Variants in KIAA1671 observed in about 807,000 individuals in gnomAD.
The protein encoded by KIAA1671 is KIAA1671.
Under a neutral mutation model 131.2 loss-of-function variants are expected in KIAA1671, and 52 were observed. The ratio of observed to expected loss-of-function variants is 0.40; its 90% CI spans 0.32 to 0.50. KIAA1671 has a LOEUF of 0.50. KIAA1671 is among the 20% of genes least tolerant of loss of function. The pLI is 0.73. For synonymous variants in KIAA1671, 1,003 were observed against 961.6 expected (o/e 1.04, Z -0.80); for missense variants, 2,360 against 2,364.2 (o/e 1.00, Z 0.04).
intron 6 of KIAA1671, chr22:25,061,766 C>T (rs1928172935): frequency 6.6e-6 from 1 of 152,290 alleles, no homozygotes; most frequent in East Asian, 1.9e-4. Flanking sequence ...GCTTCGCTCC[C>T]AGCTCCTGGT....
chr22:25,041,533 C>A lies in KIAA1671; in HGVS notation c.4395+8C>A. On this transcript the variant is annotated splice_region_variant and intron_variant, in intron 5 of 12. Transcript: ENST00000358431. ...ACTGGAGACAGTCACAAGGTAAGTACCGAGACACTTTTTAATTTTGTCAAA... is the reference window on the plus strand; with the variant it reads ...ACTGGAGACAGTCACAAGGTAAGTAACGAGACACTTTTTAATTTTGTCAAA... 1 of 1,509,870 alleles carries A rather than the reference C, an allele frequency of 6.6e-7. No homozygotes were observed. The highest frequency in any genetic ancestry group is 8.9e-7 in the Non-Finnish European group (1 of 1,129,328). 93.5% of individuals were successfully genotyped at this position (1,509,870 alleles called of 1,614,324 possible).
intron 7 of KIAA1671, 115 bp from the exon 8 acceptor site, chr22:25,174,125 A>T: frequency 8.8e-7 from 1 of 1,141,788 alleles, no homozygotes; most frequent in Non-Finnish European, 1.2e-6. Context: ...GTCTGTTGTT[A>T]CTTGGCTTAT....
intron 1 of KIAA1671, among the ~76,000 whole-genome samples, chr22:24,979,433 T>C (rs1923110816): frequency 6.6e-6 from 1 of 151,016 alleles, no homozygotes; most frequent in Non-Finnish European, 1.5e-5. Flanking sequence ...CACTGCAAGC[T>C]CCACCTCCCA....
intron 1 of KIAA1671, among the ~76,000 whole-genome samples, chr22:25,019,875 T>C (rs1383245968): frequency 6.6e-6 from 1 of 152,156 alleles, no homozygotes; most frequent in Non-Finnish European, 1.5e-5. Flanking sequence ...GGCTGGGAAT[T>C]GGAGGTCTGC....
intron 6 of KIAA1671, among the ~76,000 whole-genome samples, chr22:25,077,950 T>C (rs546937849): frequency 2.4e-4 from 37 of 152,344 alleles, no homozygotes; most frequent in African/African-American, 8.4e-4. Flanking sequence ...TGACGCTAAG[T>C]GCCTCAGTGT....
intron 1 of KIAA1671, among the ~76,000 whole-genome samples, chr22:24,981,876 C>T (rs928292766): frequency 2.0e-5 from 3 of 152,186 alleles, no homozygotes; most frequent in African/African-American, 7.2e-5. Flanking sequence ...CACTGCACTC[C>T]AGCGTGGGTG....
intron 1 of KIAA1671, among the ~76,000 whole-genome samples, chr22:24,996,482 C>T (rs766589866): frequency 1.3e-5 from 2 of 151,924 alleles, no homozygotes; most frequent in African/African-American, 2.4e-5. Flanking sequence ...GGAGTGCGGG[C>T]GAGTACTTGA....
At chr22:24,981,043 G>C (rs112084206) in intron 1 of KIAA1671, among the ~76,000 whole-genome samples, 4,808 of 150,536 alleles carry the variant, frequency 0.032, 273 homozygotes, top group African/African-American at 0.11. Flanking sequence ...CACCATGCCC[G>C]GCCAACACTT....
chr22:25,196,620 T>C lies in KIAA1671; in HGVS notation c.*4219T>C, dbSNP rs1405560890. The C allele has an allele frequency of 6.6e-6, 1 of 151,988 alleles. No homozygotes were observed. The highest frequency in any genetic ancestry group is 2.4e-5 in the African/African-American group (1 of 41,376). The allele number at this position is 151,988 out of a possible 1,614,324, so 9.4% of individuals were successfully genotyped here. Reference sequence around the variant, plus strand: ...CAGCTGATCTTTTAAATCTGTTTTGTAGAAACAGGATCTCACTATATTGCC... The same window carrying C: ...CAGCTGATCTTTTAAATCTGTTTTGCAGAAACAGGATCTCACTATATTGCC... On this transcript the variant is annotated 3_prime_UTR_variant, in exon 13 of 13. Coordinates refer to ENST00000358431, the MANE Select transcript of KIAA1671 (RefSeq NM_001145206.2).
At chr22:25,080,182 GA>G (rs150574111) in intron 6 of KIAA1671, among the ~76,000 whole-genome samples, 6,165 of 152,234 alleles carry the variant, frequency 0.04, 177 homozygotes, top group Middle Eastern at 0.061. Context: ...GGTTGAGTTT[GA>G]AAAGTCAGTT....
chr22:25,005,347 A>T (rs1602061734), intron 1 of KIAA1671, among the ~76,000 whole-genome samples: 1 of 69,880 alleles, frequency 1.4e-5, no homozygotes, highest in East Asian at 2.3e-4. Flanking sequence ...GACTCCATCT[A>T]AAAAAAAAAA....
At chr22:25,185,341 C>T (rs1352460407) in intron 11 of KIAA1671, 3 of 515,390 alleles carry the variant, frequency 5.8e-6, no homozygotes, top group African/African-American at 2.0e-5. Flanking sequence ...GCTGGCCTCT[C>T]CTCTTCCCCG....
intron 4 of KIAA1671, among the ~76,000 whole-genome samples, chr22:25,033,236 A>AT (rs1926387943): frequency 6.6e-6 from 1 of 151,490 alleles, no homozygotes; most frequent in Non-Finnish European, 1.5e-5. Context: ...GAAAAAAAAA[A>AT]TTTTTTTTAA....
intron 6 of KIAA1671, among the ~76,000 whole-genome samples, chr22:25,162,421 C>T (rs1237302555): frequency 6.6e-6 from 1 of 152,190 alleles, no homozygotes; most frequent in African/African-American, 2.4e-5. Flanking sequence ...TGTGTGCCAC[C>T]GAGCACTGCC....
At chr22:25,093,852 C>CTCTCTCTG in intron 6 of KIAA1671, among the ~76,000 whole-genome samples, 1 of 121,164 alleles carries the variant, frequency 8.3e-6, no homozygotes, top group African/African-American at 2.9e-5. Flanking sequence ...CTCTCTCTCT[C>CTCTCTCTG]TCTCTCTCTC....
At chr22:25,093,804 C>CTT (rs1568951392) in intron 6 of KIAA1671, among the ~76,000 whole-genome samples, 17 of 137,880 alleles carry the variant, frequency 1.2e-4, no homozygotes, top group African/African-American at 2.2e-4. Flanking sequence ...CTCTCTCTCT[C>CTT]TCTCTCTGTC....
chr22:25,011,442 T>C (rs1243314985), intron 1 of KIAA1671: 1 of 150,292 alleles, frequency 6.7e-6, no homozygotes, highest in African/African-American at 2.5e-5. Context: ...TGAGCCACCG[T>C]GCCTGGCCTA....
chr22:24,995,975 G>A (rs1924114857), intron 1 of KIAA1671, among the ~76,000 whole-genome samples: 1 of 152,270 alleles, frequency 6.6e-6, no homozygotes, highest in Non-Finnish European at 1.5e-5. Flanking sequence ...ACTCCTGCAT[G>A]TCATCCCCTG....
intron 1 of KIAA1671, among the ~76,000 whole-genome samples, chr22:24,969,452 A>C (rs575134128): frequency 1.3e-5 from 2 of 150,366 alleles, no homozygotes; most frequent in Non-Finnish European, 2.9e-5. Flanking sequence ...GAATAATGAC[A>C]AAAAAAAACC....
Sources: allele counts gnomAD v4.1 joint callset (sites outside exome capture counted in the v4.1 genomes callset), GRCh38; gene constraint gnomAD v4.1.1; transcripts MANE v1.5; gene names NCBI Gene and HGNC (gene_info 2026-07-23, HGNC 2026-07-21).